The following TRH variants were observed in gnomAD, a reference collection of about 807,000 sequenced individuals.
TRH encodes thyrotropin releasing hormone.
TRH carries 5 observed loss-of-function variants against 5.2 expected under a neutral mutation model. The ratio of observed to expected loss-of-function variants is 0.95; its 90% confidence interval spans 0.50 to 2.00. TRH has a LOEUF of 2.00. TRH is among the 30% of genes most tolerant of loss of function. The probability of loss-of-function intolerance (pLI) is 0.01; values close to 1 mark genes in which losing one functional copy is unlikely to be tolerated. For missense variants in TRH, 318 were observed against 312.8 expected, an observed-to-expected ratio of 1.02 and a Z score of -0.13; for synonymous variants, 131 against 128.6, an observed-to-expected ratio of 1.02 and a Z score of -0.13.
rs764315740 is a variant in TRH, at chr3:129,977,042, C to T, written c.555C>T (p.Arg185=). ...AGGAAGACCTGATGCCTGAAAAACGCCAGCATCCGGGCAAGAGGGCCCTGG... is the reference window on the plus strand; with the variant it reads ...AGGAAGACCTGATGCCTGAAAAACGTCAGCATCCGGGCAAGAGGGCCCTGG... ...EREEDLMPEK[R]QHPGKRALGG... The change falls in exon 3 of 3, where the codon CGC becomes CGT. Residue 185 remains arginine (R), a synonymous_variant. Transcript: ENST00000302649. The T allele has an allele frequency of 5.0e-6, 8 of 1,611,200 alleles. No individual in the cohort carries two copies. The highest frequency in any genetic ancestry group is 6.8e-6 in the Non-Finnish European group (8 of 1,177,926).
intron 1 of TRH, 52 bp from the exon 2 acceptor site, chr3:129,975,757 C>A: frequency 2.0e-6 from 3 of 1,495,272 alleles, no homozygotes; most frequent in Non-Finnish European, 2.7e-6. Context: ...GGAGATGGAG[C>A]GGGATGTGCT....
rs747369022 is a variant in TRH at position 129,976,038 on chromosome 3, G to A, written c.211+11G>A. 4.3e-6 allele frequency: 7 copies of A among 1,611,598 alleles called. No individual in the cohort carries two copies. In the Middle Eastern group the frequency reaches 8.3e-4, roughly 190 times the overall value. ...AGGGTGAGCACTCCGGTGAGTGGAT[G>A]GGGCTGTTGGGGGCTGTGGGGCTAG... On this transcript the variant is annotated intron_variant, in intron 2 of 2. Transcript: ENST00000302649.
intron 2 of TRH, 96 bp downstream of exon 2, chr3:129,976,123 C>T: frequency 7.0e-7 from 1 of 1,427,212 alleles, no homozygotes; most frequent in Non-Finnish European, 9.5e-7. Context: ...GGTCAGCTAG[C>T]CTTCTGCCTT....
At position 129,977,018 on chromosome 3, in the gene TRH, G is replaced by A; in HGVS notation, c.531G>A (p.Glu177=). The A allele has an allele frequency of 6.2e-7, 1 of 1,613,224 alleles. No individual in the cohort carries two copies. Among genetic ancestry groups the A allele is most frequent in the Non-Finnish European group, 8.5e-7 (1 of 1,179,442 alleles). The stretch of plus-strand genomic sequence containing the variant: ...AAGAGGAGGAGGAGGAAGAGAGAGA[G>A]GAAGACCTGATGCCTGAAAAACGCC... ...WEEEEEEEER[E]EDLMPEKRQH... is the part of the protein sequence containing the mutation. The change falls in exon 3 of 3, where the codon GAG becomes GAA. Residue 177 remains glutamate, a synonymous_variant. Coordinates refer to ENST00000302649, the MANE Select transcript of TRH (RefSeq NM_007117.5).
chr3:129,976,719 G>T lies in TRH; in HGVS notation c.232G>T (p.Asp78Tyr). Residue 78 changes from aspartate to tyrosine, a missense_variant, in exon 3 of 3, where the codon GAC becomes TAC. Physicochemically the swap from Asp to Tyr is radical, Grantham distance 160. Transcript: ENST00000302649. ...CCCAGCGTCCCAGATCTTTCAATCT[G>T]ACTGGCTCTCCAAACGTCAGCATCC... ...EHSASQIFQS[D>Y]WLSKRQHPGK... 2 of 1,613,456 alleles carry T rather than the reference G, an allele frequency of 1.2e-6. No homozygotes were observed. Among genetic ancestry groups the T allele is most frequent in the South Asian group, 2.2e-5 (2 of 91,028 alleles).
chr3:129,977,100 C>A lies in TRH; in HGVS notation c.613C>A (p.Gln205Lys). The part of the protein sequence containing the change: ...GPCGPQGAYG[Q>K]AGLLLGLLDD... The stretch of plus-strand genomic sequence containing the variant: ...CTGTGGGCCCCAGGGAGCCTATGGT[C>A]AAGCGGGCCTTCTGCTGGGGCTCCT... Residue 205 changes from glutamine (Q) to lysine (K), a missense_variant, in exon 3 of 3, where the codon CAA (glutamine) becomes AAA (lysine). Transcript: ENST00000302649. The A allele has an allele frequency of 6.3e-7, 1 of 1,575,868 alleles. No homozygotes were observed. The highest frequency in any genetic ancestry group is 1.2e-5 in the South Asian group (1 of 86,176).
intron 1 of TRH, 74 bp from the exon 2 acceptor site, chr3:129,975,735 G>C (rs1279154489): frequency 1.4e-6 from 2 of 1,430,478 alleles, no homozygotes; most frequent in Admixed American, 4.5e-5. Context: ...TTTGTTTCTG[G>C]CGGGCGTCGG....
In TRH at chr3:129,975,871, G is replaced by A. The variant is rs777355989; in HGVS notation, c.55G>A (p.Val19Ile). Reference protein sequence around the residue: ...ALALTLNLTGVPGGRAQPEAA... With the variant: ...ALALTLNLTGIPGGRAQPEAA... ...GGCTTTGACCCTGAACCTGACCGGT[G>A]TCCCCGGCGGCCGTGCTCAGCCAGA... The change falls in exon 2 of 3, where the codon GTC (valine) becomes ATC (isoleucine). Residue 19 changes from valine to isoleucine, a missense_variant. Physicochemically the swap from Val to Ile is conservative, Grantham distance 29. Transcript: ENST00000302649. 13 of 1,612,674 alleles carry A rather than the reference G, an allele frequency of 8.1e-6. No individual in the cohort carries two copies. The highest frequency in any genetic ancestry group is 1.0e-5 in the Non-Finnish European group (12 of 1,179,876).
intron 2 of TRH, 107 bp downstream of exon 2, chr3:129,976,134 T>G (rs2062542483): frequency 7.3e-7 from 1 of 1,373,770 alleles, no homozygotes; most frequent in African/African-American, 1.4e-5. Context: ...CTTCTGCCTT[T>G]CGGAAGCTCA....
At chr3:129,974,965 C>CCCCCGGGTCCT (rs2062533895) in intron 1 of TRH, 142 bp downstream of exon 1, 1 of 152,158 alleles carries the variant, frequency 6.6e-6, no homozygotes, top group South Asian at 2.1e-4. Flanking sequence ...TGTGCTCGCA[C>CCCCCGGGTCCT]CCCCGGGTCC....
intron 2 of TRH, 40 bp from the exon 3 acceptor site, chr3:129,976,659 A>G (rs1426372198): frequency 6.4e-7 from 1 of 1,567,814 alleles, no homozygotes. Context: ...TGCCTATTAC[A>G]TGGGTCAGGG....
chr3:129,976,119 C>T (rs2062542405), intron 2 of TRH, 92 bp downstream of exon 2: 1 of 1,448,760 alleles, frequency 6.9e-7, no homozygotes, highest in Non-Finnish European at 9.4e-7. Context: ...GCTTGGTCAG[C>T]TAGCCTTCTG....
chr3:129,975,842 C>T lies in TRH; in HGVS notation c.26C>T (p.Ala9Val), dbSNP rs773461174. Residue 9 changes from alanine (A) to valine (V), a missense_variant, in exon 2 of 3, where the codon GCT becomes GTT. Transcript: ENST00000302649. Reference protein sequence around the residue: MPGPWLLLALALTLNLTGV... With the variant: MPGPWLLLVLALTLNLTGV... Reference sequence around the variant, plus strand: ...ATGCCCGGCCCTTGGTTGCTGCTCGCTCTGGCTTTGACCCTGAACCTGACC... The same window carrying T: ...ATGCCCGGCCCTTGGTTGCTGCTCGTTCTGGCTTTGACCCTGAACCTGACC... 5 of 1,610,880 alleles carry T rather than the reference C, an allele frequency of 3.1e-6. No homozygotes were observed. The East Asian group carries it at 8.9e-5, about 29-fold the overall frequency.
chr3:129,977,147 G>C lies in TRH; in HGVS notation c.660G>C (p.Gln220His). The C allele has an allele frequency of 2.0e-6, 3 of 1,524,552 alleles. No homozygotes were observed. The highest frequency in any genetic ancestry group is 2.6e-5 in the South Asian group (2 of 76,208). The allele number at this position is 1,524,552 out of a possible 1,614,324, so 94.4% of individuals were successfully genotyped here. ...LGLLDDLSRS[Q>H]GAEEKRQHPG... ...TCCTGGATGACCTGAGTAGGAGCCA[G>C]GGAGCTGAGGAAAAGCGGCAGCACC... The change falls in exon 3 of 3, where the codon CAG becomes CAC. Residue 220 changes from glutamine (Q) to histidine (H), a missense_variant. Transcript: ENST00000302649.
At position 129,976,761 on chromosome 3, in the gene TRH, G is replaced by A; in HGVS notation, c.274G>A (p.Glu92Lys). Residue 92 changes from glutamate to lysine, a missense_variant, in exon 3 of 3, where the codon GAG becomes AAG. Transcript: ENST00000302649. ...KRQHPGKREE[E>K]EEEGVEEEEE... Reference sequence around the variant, plus strand: ...TCAGCATCCAGGCAAAAGAGAGGAGGAGGAGGAAGAGGGAGTTGAAGAAGA... The same window carrying A: ...TCAGCATCCAGGCAAAAGAGAGGAGAAGGAGGAAGAGGGAGTTGAAGAAGA... 1 of 1,614,082 alleles carries A rather than the reference G, an allele frequency of 6.2e-7. No homozygotes were observed. Among genetic ancestry groups the A allele is most frequent in the South Asian group, 1.1e-5 (1 of 91,066 alleles).
rs748832425 is a variant in TRH at position 129,977,006 on chromosome 3, G to C, written c.519G>C (p.Glu173Asp). 3.7e-6 allele frequency: 6 copies of C among 1,613,716 alleles called. No individual in the cohort carries two copies. Among genetic ancestry groups the C allele is most frequent in the Non-Finnish European group, 3.4e-6 (4 of 1,179,936 alleles). Reference protein sequence around the residue: ...AQRSWEEEEEEEEREEDLMPE... With the variant: ...AQRSWEEEEEDEEREEDLMPE... ...GGAGCTGGGAAGAAGAGGAGGAGGA[G>C]GAAGAGAGAGAGGAAGACCTGATGC... Residue 173 changes from glutamate (E) to aspartate (D), a missense_variant, in exon 3 of 3, where the codon GAG (glutamate) becomes GAC (aspartate). By Grantham distance (45) the Glu-to-Asp change is conservative. Coordinates refer to ENST00000302649, the MANE Select transcript of TRH (RefSeq NM_007117.5).
chr3:129,976,022 A>G lies in TRH; in HGVS notation c.206A>G (p.His69Arg), dbSNP rs1430792995. 7 of 1,613,492 alleles carry G rather than the reference A, an allele frequency of 4.3e-6. No individual in the cohort carries two copies. The African/African-American group carries it at 6.7e-5, about 15-fold the overall frequency. ...CGGCTGCAAGGGGACCAGGGTGAGCACTCCGGTGAGTGGATGGGGCTGTTG... is the reference window on the plus strand; with the variant it reads ...CGGCTGCAAGGGGACCAGGGTGAGCGCTCCGGTGAGTGGATGGGGCTGTTG... ...IQRLQGDQGE[H>R]SASQIFQSDW... The change falls in exon 2 of 3, where the codon CAC becomes CGC. Residue 69 changes from histidine (H) to arginine (R), a missense_variant. His to Arg is a conservative substitution (Grantham distance 29). Transcript: ENST00000302649.
At position 129,977,087 on chromosome 3, in the gene TRH, G is replaced by A. The variant is rs5661; in HGVS notation, c.600G>A (p.Gln200=). ...CCCTGGGAGGCCCCTGTGGGCCCCA[G>A]GGAGCCTATGGTCAAGCGGGCCTTC... ...KRALGGPCGP[Q]GAYGQAGLLL... is the part of the protein sequence containing the mutation. Residue 200 remains glutamine (Q), a synonymous_variant, in exon 3 of 3, where the codon CAG becomes CAA. Coordinates refer to ENST00000302649, the MANE Select transcript of TRH (RefSeq NM_007117.5). 2,804 of 1,592,742 alleles carry A rather than the reference G, an allele frequency of 1.8e-3. 33 individuals carry two copies. The African/African-American group carries it at 0.033, about 19-fold the overall frequency.
rs1437696476 is a variant in TRH, at chr3:129,975,297, A to G, written c.-9+474A>G. ...GCTTTGCAAATAGACTTTGAGCTTT[A>G]GAACCTGAATCTTAGCGATAGAAAT... is the stretch of plus-strand genomic sequence containing the variant. On this transcript the variant is annotated intron_variant, in intron 1 of 2. Transcript: ENST00000302649. Among the ~76,000 whole-genome samples the G allele has an allele frequency of 2.0e-5, 3 of 152,332 alleles. No individual in the cohort carries two copies. The East Asian group carries it at 5.8e-4, about 29-fold the overall frequency.
Sources: gnomAD v4.1 joint callset for allele counts (sites outside exome capture counted in the v4.1 genomes callset) on GRCh38, gnomAD v4.1.1 for gene constraint, MANE v1.5 for transcripts, NCBI Gene and HGNC (gene_info 2026-07-23, HGNC 2026-07-21) for gene names.